Variants in C8orf34 observed in about 807,000 individuals in gnomAD.
C8orf34 encodes the protein uncharacterized protein C8orf34.
Under a neutral mutation model 68.3 loss-of-function variants are expected in C8orf34, and 65 were observed. That is an observed-to-expected ratio of 0.95 (90% CI 0.78 to 1.17). The LOEUF is 1.17. Ranked by LOEUF, C8orf34 falls within the 50% of genes most tolerant of loss-of-function variation. C8orf34 has a pLI of 0.00. For missense variants in C8orf34, 664 were observed against 655.4 expected (o/e 1.01, Z -0.14); for synonymous variants, 244 against 241.2 (o/e 1.01, Z -0.11).
chr8:68,781,697 G>T (rs115940455), intron 11 of C8orf34, among the ~76,000 whole-genome samples: 205 of 152,274 alleles, frequency 1.3e-3, no homozygotes, highest in African/African-American at 4.7e-3. Context: ...AAGTGAACAG[G>T]TGCGTTATAT....
chr8:68,510,558 G>A (rs1009169645), intron 5 of C8orf34, among the ~76,000 whole-genome samples: 4 of 152,154 alleles, frequency 2.6e-5, no homozygotes, highest in Non-Finnish European at 5.9e-5. Context: ...AAAACAACTA[G>A]TGAGTTTAGA....
intron 1 of C8orf34, among the ~76,000 whole-genome samples, chr8:68,371,656 A>G (rs1807569293): frequency 6.6e-6 from 1 of 150,906 alleles, no homozygotes; most frequent in Non-Finnish European, 1.5e-5. Flanking sequence ...CTAGAGTGCA[A>G]TGGCATGATC....
intron 1 of C8orf34, chr8:68,438,963 G>A (rs1420339776): frequency 6.6e-6 from 1 of 152,114 alleles, no homozygotes; most frequent in Non-Finnish European, 1.5e-5. Context: ...ACAGAATTCG[G>A]TATTTCTTGG....
At chr8:68,658,175 G>C (rs1819563693) in intron 8 of C8orf34, among the ~76,000 whole-genome samples, 1 of 152,042 alleles carries the variant, frequency 6.6e-6, no homozygotes, top group African/African-American at 2.4e-5. Context: ...TGCTTCTTAA[G>C]ACCTATATTT....
At chr8:68,697,516 A>C (rs531311967) in intron 8 of C8orf34, among the ~76,000 whole-genome samples, 1 of 152,240 alleles carries the variant, frequency 6.6e-6, no homozygotes, top group South Asian at 2.1e-4. Flanking sequence ...TTAGAATGAT[A>C]GACTTAGTCT....
chr8:68,704,287 G>A (rs1585755003), intron 8 of C8orf34, among the ~76,000 whole-genome samples: 1 of 152,120 alleles, frequency 6.6e-6, no homozygotes, highest in South Asian at 2.1e-4. Flanking sequence ...AGAAGGAAAA[G>A]CTAGAAATAA....
intron 1 of C8orf34, among the ~76,000 whole-genome samples, chr8:68,425,718 A>T (rs529226943): frequency 2.1e-5 from 3 of 141,322 alleles, no homozygotes; most frequent in Non-Finnish European, 4.8e-5. Flanking sequence ...TAGCCAAAAC[A>T]GTTTTGGAAG....
At chr8:68,802,691 T>C in intron 12 of C8orf34, among the ~76,000 whole-genome samples, 1 of 151,964 alleles carries the variant, frequency 6.6e-6, no homozygotes, top group South Asian at 2.1e-4. Flanking sequence ...GGAGACAAGG[T>C]TTCCCCATGT....
chr8:68,343,450 G>A (rs907601273), intron 1 of C8orf34, among the ~76,000 whole-genome samples: 2 of 151,984 alleles, frequency 1.3e-5, no homozygotes, highest in African/African-American at 4.8e-5. Flanking sequence ...ATTTGACAGG[G>A]TCTCACTCTG....
intron 1 of C8orf34, among the ~76,000 whole-genome samples, chr8:68,406,829 C>T (rs1156678890): frequency 6.6e-6 from 1 of 152,078 alleles, no homozygotes; most frequent in African/African-American, 2.4e-5. Context: ...ATTATTCCCC[C>T]AACAGATCCT....
At chr8:68,414,525 A>G (rs903550082) in intron 1 of C8orf34, among the ~76,000 whole-genome samples, 1 of 152,224 alleles carries the variant, frequency 6.6e-6, no homozygotes, top group Non-Finnish European at 1.5e-5. Flanking sequence ...TAGTAACACT[A>G]TTGACATAAT....
chr8:68,791,921 A>T (rs1824005404), intron 12 of C8orf34: 1 of 152,226 alleles, frequency 6.6e-6, no homozygotes, highest in South Asian at 2.1e-4. Flanking sequence ...CTTTGAACGA[A>T]AAATGTAAAG....
chr8:68,477,265 G>A (rs986037470), intron 4 of C8orf34, among the ~76,000 whole-genome samples: 1 of 152,186 alleles, frequency 6.6e-6, no homozygotes, highest in Non-Finnish European at 1.5e-5. Context: ...CTATGCTACA[G>A]GAATCTTGTC....
intron 8 of C8orf34, among the ~76,000 whole-genome samples, chr8:68,658,859 C>G (rs192588260): frequency 6.6e-5 from 10 of 152,270 alleles, no homozygotes; most frequent in African/African-American, 2.4e-4. Context: ...ATTGTTTTCT[C>G]TTTCCTTAAA....
At chr8:68,755,857 C>G (rs897529130) in intron 10 of C8orf34, among the ~76,000 whole-genome samples, 1 of 151,354 alleles carries the variant, frequency 6.6e-6, no homozygotes, top group Admixed American at 6.6e-5. Context: ...GTCAGGAGGT[C>G]GAGACCATCC....
At chr8:68,426,292 T>A (rs1384304389) in intron 1 of C8orf34, among the ~76,000 whole-genome samples, 1 of 151,858 alleles carries the variant, frequency 6.6e-6, no homozygotes, top group Non-Finnish European at 1.5e-5. Flanking sequence ...CTGATGCTGG[T>A]GGATCACTTG....
intron 6 of C8orf34, among the ~76,000 whole-genome samples, chr8:68,526,939 C>G (rs967396448): frequency 4.6e-5 from 7 of 152,278 alleles, no homozygotes; most frequent in African/African-American, 1.7e-4. Flanking sequence ...GGAGGCTCCA[C>G]CTGCTCAGGC....
At chr8:68,481,068 A>T (rs968904324) in intron 4 of C8orf34, among the ~76,000 whole-genome samples, 1 of 152,196 alleles carries the variant, frequency 6.6e-6, no homozygotes, top group Non-Finnish European at 1.5e-5. Flanking sequence ...CTAGAGGCCC[A>T]GGAGGAAAAT....
intron 1 of C8orf34, among the ~76,000 whole-genome samples, chr8:68,418,950 G>A (rs2129623224): frequency 6.7e-6 from 1 of 149,290 alleles, no homozygotes; most frequent in Non-Finnish European, 1.5e-5. Flanking sequence ...AACACCAAAA[G>A]CAATGGCAAC....
Sources: allele counts gnomAD v4.1 joint callset (sites outside exome capture counted in the v4.1 genomes callset), GRCh38; gene constraint gnomAD v4.1.1; transcripts MANE v1.5; gene names NCBI Gene and HGNC (gene_info 2026-07-23, HGNC 2026-07-21).